Variants in RSPO2 observed in about 807,000 individuals in gnomAD.
RSPO2 encodes R-spondin 2.
In RSPO2, 14 loss-of-function variants were observed where a neutral mutation model predicts 30.9. That is an observed-to-expected ratio of 0.45 (90% CI 0.30 to 0.71). The LOEUF (loss-of-function observed/expected upper bound fraction) is 0.71. Among genes scored for constraint, RSPO2 ranks in the 30% least tolerant of loss-of-function variants. RSPO2 has a pLI of 0.08. For synonymous variants in RSPO2, 107 were observed against 96.4 expected (o/e 1.11, Z -0.64); for missense variants, 264 against 301.9 (o/e 0.87, Z 0.93).
At chr8:107,966,181 T>C (rs894401326) in intron 3 of RSPO2, among the ~76,000 whole-genome samples, 64 of 152,160 alleles carry the variant, frequency 4.2e-4, no homozygotes, top group Non-Finnish European at 1.6e-4. Flanking sequence ...TTAGTATTAA[T>C]AAAAATGAAG....
At chr8:107,950,768 AAAT>A (rs777784867) in intron 5 of RSPO2, among the ~76,000 whole-genome samples, 128 of 151,818 alleles carry the variant, frequency 8.4e-4, no homozygotes, top group Non-Finnish European at 1.5e-3. Flanking sequence ...AAAAAAAAAA[AAAT>A]TTGACACCTC....
chr8:107,901,666 C>T (rs1811471127), intron 5 of RSPO2, among the ~76,000 whole-genome samples: 1 of 152,248 alleles, frequency 6.6e-6, no homozygotes, highest in South Asian at 2.1e-4. Flanking sequence ...AACATTATTT[C>T]CTCCATATTC....
chr8:108,072,311 G>T (rs1812871000), intron 2 of RSPO2, among the ~76,000 whole-genome samples: 1 of 147,190 alleles, frequency 6.8e-6, no homozygotes. Context: ...CAATGAGATG[G>T]CAGAGAACTT....
intron 2 of RSPO2, among the ~76,000 whole-genome samples, chr8:107,991,205 C>T (rs1814833263): frequency 6.6e-6 from 1 of 151,134 alleles, no homozygotes; most frequent in African/African-American, 2.4e-5. Context: ...CAAGATTGTG[C>T]CATTGCACTC....
chr8:108,009,474 A>G (rs1810624225), intron 2 of RSPO2, among the ~76,000 whole-genome samples: 1 of 152,238 alleles, frequency 6.6e-6, no homozygotes, highest in African/African-American at 2.4e-5. Flanking sequence ...ACAAGGCTCT[A>G]TATAGAATGG....
At position 107,900,904 on chromosome 8, in the gene RSPO2, A is replaced by C; in HGVS notation, c.*171T>G. ...TTCACAGTCTCCAGATTCAAATCAAAGCATAAATAACACAGGGGCCATGCT... is the reference window on the plus strand; with the variant it reads ...TTCACAGTCTCCAGATTCAAATCAACGCATAAATAACACAGGGGCCATGCT... On this transcript the variant is annotated 3_prime_UTR_variant, in exon 6 of 6. Coordinates refer to ENST00000276659, the MANE Select transcript of RSPO2 (RefSeq NM_178565.5). 1 of 649,982 alleles carries C rather than the reference A, an allele frequency of 1.5e-6. No homozygotes were observed. The highest frequency in any genetic ancestry group is 2.6e-6 in the Non-Finnish European group (1 of 388,706). 40.3% of individuals were successfully genotyped at this position (649,982 alleles called of 1,614,324 possible).
At chr8:107,973,503 TACACACACAG>T (rs1418049606) in intron 3 of RSPO2, among the ~76,000 whole-genome samples, 63 of 135,822 alleles carry the variant, frequency 4.6e-4, no homozygotes, top group East Asian at 1.3e-3. Context: ...AACTGAGTGA[TACACACACAG>T]ACACACACAG....
intron 2 of RSPO2, among the ~76,000 whole-genome samples, chr8:108,011,054 GC>G (rs2130585348): frequency 1.3e-5 from 2 of 148,432 alleles, no homozygotes; most frequent in Non-Finnish European, 3.0e-5. Context: ...GATCCCTTGA[GC>G]CCAGGAGGCA....
chr8:107,979,607 A>C (rs567066779), intron 3 of RSPO2, among the ~76,000 whole-genome samples: 11 of 152,268 alleles, frequency 7.2e-5, no homozygotes, highest in African/African-American at 2.2e-4. Context: ...GCAGCACAAC[A>C]TGGCACATGT....
At chr8:107,962,360 C>T (rs2130445513) in intron 3 of RSPO2, among the ~76,000 whole-genome samples, 1 of 152,222 alleles carries the variant, frequency 6.6e-6, no homozygotes, top group South Asian at 2.1e-4. Context: ...AACTCTTTGC[C>T]TTTCAATTTT....
At chr8:108,045,692 G>A (rs972427531) in intron 2 of RSPO2, among the ~76,000 whole-genome samples, 1 of 152,066 alleles carries the variant, frequency 6.6e-6, no homozygotes, top group African/African-American at 2.4e-5. Context: ...GGTTAACTGA[G>A]TAATGTTCAC....
intron 5 of RSPO2, among the ~76,000 whole-genome samples, chr8:107,943,955 A>G (rs1812977427): frequency 1.3e-5 from 2 of 152,170 alleles, no homozygotes; most frequent in South Asian, 4.1e-4. Flanking sequence ...CACAATACAC[A>G]TCTTACCTGG....
intron 2 of RSPO2, among the ~76,000 whole-genome samples, chr8:108,056,922 T>C (rs1812266372): frequency 6.6e-6 from 1 of 151,018 alleles, no homozygotes; most frequent in South Asian, 2.1e-4. Flanking sequence ...CCGGGCATGG[T>C]GGCACATGCC....
chr8:108,031,724 T>C (rs1811427564), intron 2 of RSPO2, among the ~76,000 whole-genome samples: 1 of 152,180 alleles, frequency 6.6e-6, no homozygotes, highest in Admixed American at 6.5e-5. Flanking sequence ...CTGATTTGTT[T>C]CTCTCTGTAA....
intron 5 of RSPO2, among the ~76,000 whole-genome samples, chr8:107,906,424 A>G (rs1811648077): frequency 8.6e-6 from 1 of 116,332 alleles, no homozygotes; most frequent in Non-Finnish European, 2.0e-5. Context: ...AGTAATAACA[A>G]TTAACTTTAT....
intron 2 of RSPO2, among the ~76,000 whole-genome samples, chr8:108,038,577 A>C (rs567359091): frequency 9.2e-5 from 14 of 152,334 alleles, no homozygotes; most frequent in African/African-American, 3.4e-4. Context: ...TAAACATTTC[A>C]TTAAAGGAAG....
intron 5 of RSPO2, among the ~76,000 whole-genome samples, chr8:107,913,419 T>TG (rs1453802306): frequency 6.6e-6 from 1 of 152,204 alleles, no homozygotes; most frequent in African/African-American, 2.4e-5. Flanking sequence ...ATGGTATATT[T>TG]TGTTATTCCT....
intron 5 of RSPO2, among the ~76,000 whole-genome samples, chr8:107,936,154 C>T (rs1301462050): frequency 6.6e-6 from 1 of 152,104 alleles, no homozygotes; most frequent in Non-Finnish European, 1.5e-5. Context: ...TCTCTATCTT[C>T]ATGAGATCAA....
chr8:108,062,264 G>T (rs1225309778), intron 2 of RSPO2, among the ~76,000 whole-genome samples: 1 of 151,710 alleles, frequency 6.6e-6, no homozygotes, highest in Non-Finnish European at 1.5e-5. Context: ...TTTTTGAAAA[G>T]ATCAACAAAA....
Sources: gnomAD v4.1 joint callset for allele counts (sites outside exome capture counted in the v4.1 genomes callset) on GRCh38, gnomAD v4.1.1 for gene constraint, MANE v1.5 for transcripts, NCBI Gene and HGNC (gene_info 2026-07-23, HGNC 2026-07-21) for gene names.